LIPH: variants seen among roughly 807,000 people sequenced by gnomAD.
The protein encoded by LIPH is lipase H.
Under a neutral mutation model 47.6 loss-of-function variants are expected in LIPH, and 32 were observed. The observed-to-expected ratio is 0.67, with a 90% CI of 0.51 to 0.90. The LOEUF (loss-of-function observed/expected upper bound fraction) is 0.90. Among genes scored for constraint, LIPH ranks in the 40% least tolerant of loss-of-function variants. The pLI is 0.00. For missense variants in LIPH, 497 were observed against 541.4 expected, an observed-to-expected ratio of 0.92 and a Z score of 0.81; for synonymous variants, 190 against 195.6, an observed-to-expected ratio of 0.97 and a Z score of 0.24.
rs1479419721 is a variant in LIPH, at chr3:185,527,478, C to A, written c.628+6G>T. Reference sequence around the variant, plus strand: ...TGTCACTGACCCACAAGGAAAGGAGCGTTACCATCAGTGTCGGAATGGATG... The same window carrying A: ...TGTCACTGACCCACAAGGAAAGGAGAGTTACCATCAGTGTCGGAATGGATG... On this transcript the variant is annotated splice_donor_region_variant and intron_variant, in intron 4 of 9. Coordinates refer to ENST00000296252, the MANE Select transcript of LIPH (RefSeq NM_139248.3). 1.9e-6 allele frequency: 3 copies of A among 1,595,694 alleles called. No individual in the cohort carries two copies. The highest frequency in any genetic ancestry group is 2.6e-6 in the Non-Finnish European group (3 of 1,164,112).
chr3:185,521,958 A>G (rs1421966034), intron 5 of LIPH, among the ~76,000 whole-genome samples: 3 of 152,220 alleles, frequency 2.0e-5, no homozygotes, highest in Non-Finnish European at 4.4e-5. Flanking sequence ...AAGTATCCCA[A>G]AGTTGTTTTC....
chr3:185,529,976 AAGAG>A lies in LIPH; in HGVS notation c.527-2395_527-2392del, dbSNP rs762824845. Among the ~76,000 whole-genome samples, 263 of 104,960 alleles carry A rather than the reference AAGAG, an allele frequency of 2.5e-3. 2 individuals are homozygous for A. Among genetic ancestry groups the A allele is most frequent in the Non-Finnish European group, 3.7e-3 (174 of 47,172 alleles). The allele number at this position is 104,960 out of a possible 152,430, so 68.9% of individuals were successfully genotyped here. A position where few individuals can be genotyped will look rare whatever the true frequency, so the allele number is the denominator to read the frequency against. On this transcript the variant is annotated intron_variant, in intron 3 of 9. Transcript: ENST00000296252. ...AAAGAAAGAAAGAAGGAAAGAAAGA[AAGAG>A]AGAGAGAGAGAAAATAAGCAGTGCC...
At chr3:185,513,445 A>T (rs1026271243) in intron 8 of LIPH, among the ~76,000 whole-genome samples, 7 of 152,210 alleles carry the variant, frequency 4.6e-5, no homozygotes, top group African/African-American at 1.7e-4. Context: ...ATTGGTGAGG[A>T]TGTGGAGAAA....
At chr3:185,510,931 A>G (rs965307872) in intron 9 of LIPH, among the ~76,000 whole-genome samples, 2 of 152,268 alleles carry the variant, frequency 1.3e-5, no homozygotes, top group Non-Finnish European at 2.9e-5. Flanking sequence ...GAAGAACTGT[A>G]TAGTTCTAAG....
intron 1 of LIPH, among the ~76,000 whole-genome samples, chr3:185,542,284 T>C (rs1720737430): frequency 6.6e-6 from 1 of 152,098 alleles, no homozygotes; most frequent in African/African-American, 2.4e-5. Flanking sequence ...GACAGTCACT[T>C]AGTGCCACGT....
chr3:185,523,082 A>C (rs1719957657), intron 5 of LIPH, among the ~76,000 whole-genome samples: 2 of 152,200 alleles, frequency 1.3e-5, no homozygotes, highest in African/African-American at 4.8e-5. Flanking sequence ...TACTTTTTGT[A>C]AGCTGGCCAT....
At position 185,517,106 on chromosome 3, in the gene LIPH, T is replaced by C; in HGVS notation, c.943A>G (p.Lys315Glu). 1 of 1,613,408 alleles carries C rather than the reference T, an allele frequency of 6.2e-7. No homozygotes were observed. The highest frequency in any genetic ancestry group is 8.5e-7 in the Non-Finnish European group (1 of 1,179,296). The change falls in exon 7 of 10, where the codon AAG becomes GAG. Residue 315 changes from lysine (K) to glutamate (E), a missense_variant. By Grantham distance (56) the Lys-to-Glu change is moderately conservative. Coordinates refer to ENST00000296252, the MANE Select transcript of LIPH (RefSeq NM_139248.3). ...TCCTCAGCTGTGTCAAAGAATGCCT[T>C]CGTCATTGGAGGATCTTTCCCCCTT... ...HLRGKDPPMT[K>E]AFFDTAEESP...
chr3:185,529,906 AAAAGAAAGAAAGAAAG>A (rs1180211034), intron 3 of LIPH, among the ~76,000 whole-genome samples: 17 of 122,716 alleles, frequency 1.4e-4, no homozygotes, highest in African/African-American at 5.2e-4. Context: ...AGAGAGAAAG[AAAAGAAAGAAAGAAAG>A]AAAGAAAGAA....
Position 185,543,180 on chromosome 3 carries a change from G to T in LIPH, c.50-8048C>A, listed in dbSNP as rs1049455736. Among the ~76,000 whole-genome samples, 5 of 152,178 alleles carry T rather than the reference G, an allele frequency of 3.3e-5. No homozygotes were observed. The East Asian group carries it at 9.6e-4, about 29-fold the overall frequency. ...GCTGAGATCATGCCACTGCACTCCA[G>T]CCTGGGCAACAGAGCAAGACTCCAT... On this transcript the variant is annotated intron_variant, in intron 1 of 9. Coordinates refer to ENST00000296252, the MANE Select transcript of LIPH (RefSeq NM_139248.3).
At chr3:185,522,598 A>AAGAAGGAAGGGAGGGAGAG (rs1259525653) in intron 5 of LIPH, among the ~76,000 whole-genome samples, 2 of 149,660 alleles carry the variant, frequency 1.3e-5, no homozygotes, top group East Asian at 3.9e-4. Flanking sequence ...AGAGAGAAAA[A>AAGAAGGAAGGGAGGGAGAG]AGAAGGAAGG....
At chr3:185,527,978 A>C (rs1720164186) in intron 3 of LIPH, among the ~76,000 whole-genome samples, 1 of 151,782 alleles carries the variant, frequency 6.6e-6, no homozygotes. Flanking sequence ...TAATCCCAGC[A>C]CTTTGGGAGG....
chr3:185,511,528 C>G lies in LIPH; in HGVS notation c.1264G>C (p.Glu422Gln). Residue 422 changes from glutamate (E) to glutamine (Q), a missense_variant, in exon 9 of 10, where the codon GAG becomes CAG. Glu to Gln is a conservative substitution (Grantham distance 29). Coordinates refer to ENST00000296252, the MANE Select transcript of LIPH (RefSeq NM_139248.3). ...RMKLRSLAHPERPQLCRYDLV... is the reference protein window; with the variant it reads ...RMKLRSLAHPQRPQLCRYDLV... ...CAAACCGTACCCTCAGCTCACCTCT[C>G]CGGATGGGCAAGGGACCTTAACTTC... 1 of 1,614,148 alleles carries G rather than the reference C, an allele frequency of 6.2e-7. No individual in the cohort carries two copies. Among genetic ancestry groups the G allele is most frequent in the South Asian group, 1.1e-5 (1 of 91,080 alleles).
chr3:185,523,788 A>C (rs1013205123), intron 5 of LIPH, among the ~76,000 whole-genome samples: 1 of 134,046 alleles, frequency 7.5e-6, no homozygotes, highest in Non-Finnish European at 1.7e-5. Context: ...AGTGGCGTGA[A>C]CTCGGCTCAC....
At chr3:185,526,675 ATAT>A (rs1720102650) in intron 4 of LIPH, among the ~76,000 whole-genome samples, 1 of 32,796 alleles carries the variant, frequency 3.0e-5, no homozygotes, top group African/African-American at 8.1e-5. Context: ...ATATAATATA[ATAT>A]AATATAATAT....
intron 1 of LIPH, among the ~76,000 whole-genome samples, chr3:185,537,272 G>A (rs1471128342): frequency 6.6e-6 from 1 of 152,076 alleles, no homozygotes; most frequent in Non-Finnish European, 1.5e-5. Context: ...TAATCAGGTA[G>A]ATAAATAATC....
chr3:185,508,079 C>A lies in LIPH; in HGVS notation c.*711G>T. ...CGCCCTCTTAGCTGTCAGTCCATCC[C>A]CATCTCCTCCAGCTCCTCCATGCTC... On this transcript the variant is annotated 3_prime_UTR_variant, in exon 10 of 10. Transcript: ENST00000296252. 6.5e-6 allele frequency: 1 copy of A among 152,856 alleles called. No individual in the cohort carries two copies. The allele number at this position is 152,856 out of a possible 1,614,324, so 9.5% of individuals were successfully genotyped here.
chr3:185,550,309 A>T (rs1721014588), intron 1 of LIPH, among the ~76,000 whole-genome samples: 1 of 152,296 alleles, frequency 6.6e-6, no homozygotes, highest in East Asian at 1.9e-4. Flanking sequence ...CTACCTACAG[A>T]AGTTTATTCT....
At chr3:185,514,144 G>A (rs1719653563) in intron 8 of LIPH, among the ~76,000 whole-genome samples, 1 of 152,080 alleles carries the variant, frequency 6.6e-6, no homozygotes, top group Admixed American at 6.6e-5. Context: ...GAGAGGGAAA[G>A]AGGGAGGAAA....
At chr3:185,533,425 T>C in intron 3 of LIPH, 146 bp downstream of exon 3, 1 of 706,488 alleles carries the variant, frequency 1.4e-6, no homozygotes, top group Non-Finnish European at 2.6e-6. Context: ...ATTTTGATCT[T>C]CCTTTTGCAT....
Sources: allele counts gnomAD v4.1 joint callset (sites outside exome capture counted in the v4.1 genomes callset), GRCh38; gene constraint gnomAD v4.1.1; transcripts MANE v1.5; gene names NCBI Gene and HGNC (gene_info 2026-07-23, HGNC 2026-07-21).